MRTFB: variants seen among roughly 807,000 people sequenced by gnomAD.
MRTFB encodes myocardin-related transcription factor B.
A neutral mutation model predicts 104.2 loss-of-function variants in MRTFB; 29 were observed. The ratio of observed to expected loss-of-function variants is 0.28; its 90% CI spans 0.21 to 0.38. The LOEUF (loss-of-function observed/expected upper bound fraction) is 0.38, where lower values mean the gene tolerates loss of function less well. Among genes scored for constraint, MRTFB ranks in the 10% least tolerant of loss-of-function variants. The pLI is 1.00. For synonymous variants in MRTFB, 535 were observed against 519.5 expected (o/e 1.03, Z -0.41); for missense variants, 1,270 against 1,341.6 (o/e 0.95, Z 0.83).
intron 3 of MRTFB, among the ~76,000 whole-genome samples, chr16:14,163,631 A>G (rs2039122719): frequency 6.6e-6 from 1 of 152,114 alleles, no homozygotes; most frequent in Admixed American, 6.5e-5. Context: ...CAGGAGTTCA[A>G]AAACAGCCTG....
At chr16:14,047,484 A>C in the MRTFB span, among the ~76,000 whole-genome samples, 1 of 152,196 alleles carries the variant, frequency 6.6e-6, no homozygotes, top group Non-Finnish European at 1.5e-5. Context: ...GAAGGGCACT[A>C]TATTAGTCCG....
At chr16:14,150,010 C>T (rs1011218988) in intron 3 of MRTFB, among the ~76,000 whole-genome samples, 8 of 152,126 alleles carry the variant, frequency 5.3e-5, no homozygotes, top group African/African-American at 1.9e-4. Context: ...GTGACTAGCA[C>T]ACATACGGCA....
chr16:14,167,848 C>T (rs952806513), intron 3 of MRTFB, among the ~76,000 whole-genome samples: 2 of 152,058 alleles, frequency 1.3e-5, no homozygotes, highest in African/African-American at 2.4e-5. Flanking sequence ...CCGCCGCGCC[C>T]GGCTAATTTT....
In MRTFB at chr16:14,096,201, G is replaced by A. The variant is rs142200180; in HGVS notation, c.-64+16847G>A. On this transcript the variant is annotated intron_variant, in intron 2 of 16. Coordinates refer to ENST00000571589, the MANE Select transcript of MRTFB (RefSeq NM_001308142.2). ...AAGTAATTCTGCCTCAGCCTTCCGG[G>A]TAGCTGGGATTACAGGCATGTCCAC... Among the ~76,000 whole-genome samples, 797 of 152,060 alleles carry A rather than the reference G, an allele frequency of 5.2e-3. 7 individuals are homozygous for A. Among genetic ancestry groups the A allele is most frequent in the African/African-American group, 0.018 (742 of 41,448 alleles).
intron 3 of MRTFB, among the ~76,000 whole-genome samples, chr16:14,179,933 G>A (rs1366214516): frequency 1.3e-5 from 2 of 152,206 alleles, no homozygotes; most frequent in African/African-American, 2.4e-5. Context: ...TGCATGATTA[G>A]TGGACTCCTC....
intron 2 of MRTFB, among the ~76,000 whole-genome samples, chr16:14,109,723 T>C (rs1340208322): frequency 6.6e-6 from 1 of 152,228 alleles, no homozygotes; most frequent in Non-Finnish European, 1.5e-5. Context: ...TGTAAACTTC[T>C]TTCAAAGTTC....
At chr16:14,000,911 C>G in the MRTFB span, among the ~76,000 whole-genome samples, 1 of 152,238 alleles carries the variant, frequency 6.6e-6, no homozygotes, top group African/African-American at 2.4e-5. Flanking sequence ...GTTTTCTAAT[C>G]TTTAAAATGG....
chr16:13,998,304 G>A, the MRTFB span, among the ~76,000 whole-genome samples: 20 of 151,492 alleles, frequency 1.3e-4, no homozygotes, highest in Non-Finnish European at 2.9e-4. Flanking sequence ...GAAATTTTGG[G>A]AGTAACAGAC....
At chr16:14,161,908 T>C (rs1282138731) in intron 3 of MRTFB, among the ~76,000 whole-genome samples, 2 of 152,146 alleles carry the variant, frequency 1.3e-5, no homozygotes, top group Non-Finnish European at 2.9e-5. Context: ...AGTTGGTGGG[T>C]ACATAAACTG....
intron 15 of MRTFB, among the ~76,000 whole-genome samples, chr16:14,255,528 A>C (rs553357187): frequency 6.6e-6 from 1 of 152,360 alleles, no homozygotes; most frequent in African/African-American, 2.4e-5. Flanking sequence ...TTCTATTATC[A>C]TGTTAAAATA....
chr16:14,184,076 A>AAT (rs2039861679), intron 3 of MRTFB, among the ~76,000 whole-genome samples: 3 of 150,506 alleles, frequency 2.0e-5, no homozygotes, highest in Admixed American at 2.0e-4. Context: ...GAAATTTAAA[A>AAT]AAAAAAAAAA....
chr16:14,135,476 C>T (rs1475362571), intron 2 of MRTFB, among the ~76,000 whole-genome samples: 1 of 152,232 alleles, frequency 6.6e-6, no homozygotes, highest in Non-Finnish European at 1.5e-5. Context: ...GCCTACTAGC[C>T]ATAGGCTATG....
At chr16:14,209,740 A>T (rs2041111897) in intron 3 of MRTFB, among the ~76,000 whole-genome samples, 4 of 152,272 alleles carry the variant, frequency 2.6e-5, no homozygotes, top group Non-Finnish European at 5.9e-5. Flanking sequence ...TAAATTCCTA[A>T]TTTAGAAATT....
intron 3 of MRTFB, chr16:14,143,303 C>T (rs1415670059): frequency 2.6e-5 from 4 of 151,746 alleles, no homozygotes. Flanking sequence ...AACTTAACCA[C>T]AGTGTTATTA....
At chr16:14,069,387 G>A (rs1011407573), upstream of MRTFB, among the ~76,000 whole-genome samples, 7 of 152,216 alleles carry the variant, frequency 4.6e-5, no homozygotes, top group South Asian at 2.1e-4. Context: ...CCACAACTGC[G>A]ACTGAGCTAT....
chr16:14,023,610 C>T, the MRTFB span, among the ~76,000 whole-genome samples: 42,380 of 106,666 alleles, frequency 0.4, 6,881 homozygotes, highest in Middle Eastern at 0.52. Context: ...CACACACACA[C>T]ATACATATAC....
intron 3 of MRTFB, among the ~76,000 whole-genome samples, chr16:14,202,004 A>G (rs565784750): frequency 7.2e-4 from 109 of 152,238 alleles, no homozygotes; most frequent in African/African-American, 2.4e-3. Context: ...ATGTATTTGT[A>G]CATTGTTAAA....
In MRTFB at chr16:14,246,512, C is replaced by T. The variant is rs1293333032; in HGVS notation, c.1252C>T (p.Pro418Ser). The change falls in exon 12 of 17, where the codon CCA becomes TCA. Residue 418 changes from proline to serine, a missense_variant. Pro to Ser is a moderately conservative substitution (Grantham distance 74, BLOSUM62 -1). Transcript: ENST00000571589. The stretch of plus-strand genomic sequence containing the variant: ...GACAGAACTGAAGTTAAGGGGTCTG[C>T]CAGTGTCAGGCACCAAACCGGACCT... ...LKTELKLRGL[P>S]VSGTKPDLIE... 6.2e-7 allele frequency: 1 copy of T among 1,614,176 alleles called. No homozygotes were observed.
At chr16:14,109,754 C>G (rs1384365344) in intron 2 of MRTFB, among the ~76,000 whole-genome samples, 1 of 152,172 alleles carries the variant, frequency 6.6e-6, no homozygotes, top group Non-Finnish European at 1.5e-5. Context: ...AGGAAATTAT[C>G]TAGAAACTCC....
Sources: allele counts gnomAD v4.1 joint callset (sites outside exome capture counted in the v4.1 genomes callset), GRCh38; gene constraint gnomAD v4.1.1; transcripts MANE v1.5; gene names NCBI Gene and HGNC (gene_info 2026-07-23, HGNC 2026-07-21).